TP63: variants seen among roughly 807,000 people sequenced by gnomAD.
The protein encoded by TP63 is tumor protein p63, also known as tumor protein 63.
A neutral mutation model predicts 82.8 loss-of-function variants in TP63; 17 were observed. The observed-to-expected ratio is 0.21, with a 90% confidence interval of 0.14 to 0.31. TP63 has a LOEUF of 0.31. Among genes scored for constraint, TP63 ranks in the 10% least tolerant of loss-of-function variants. TP63 has a pLI of 1.00. For missense variants in TP63, 648 were observed against 895.3 expected, an observed-to-expected ratio of 0.72 and a Z score of 3.52; for synonymous variants, 330 against 321.7, an observed-to-expected ratio of 1.03 and a Z score of -0.28.
At chr3:189,816,833 G>A (rs1728237690) in intron 4 of TP63, among the ~76,000 whole-genome samples, 3 of 152,056 alleles carry the variant, frequency 2.0e-5, no homozygotes, top group Admixed American at 6.6e-5. Context: ...TTTTAGTAAT[G>A]ATCATGACCT....
intron 4 of TP63, among the ~76,000 whole-genome samples, chr3:189,834,098 G>A (rs999568371): frequency 1.1e-4 from 16 of 152,236 alleles, no homozygotes; most frequent in African/African-American, 3.9e-4. Flanking sequence ...TAGGTATGAG[G>A]GAGACAAGAC....
intron 3 of TP63, among the ~76,000 whole-genome samples, chr3:189,806,161 T>A (rs2108632010): frequency 6.6e-6 from 1 of 151,580 alleles, no homozygotes; most frequent in Admixed American, 6.6e-5. Flanking sequence ...AAAACTTTTT[T>A]CTTCGTTTAT....
At chr3:189,806,122 T>C (rs1401088164) in intron 3 of TP63, among the ~76,000 whole-genome samples, 1 of 149,630 alleles carries the variant, frequency 6.7e-6, no homozygotes, top group Non-Finnish European at 1.5e-5. Flanking sequence ...TGAAGAGTGT[T>C]TGCTCACTGG....
At chr3:189,750,108 GGTGAGACTC>G (rs1721692674) in intron 3 of TP63, among the ~76,000 whole-genome samples, 1 of 148,870 alleles carries the variant, frequency 6.7e-6, no homozygotes, top group Non-Finnish European at 1.5e-5. Flanking sequence ...TGGGTGACAG[GGTGAGACTC>G]TGTCTCAGAA....
the TP63 span, among the ~76,000 whole-genome samples, chr3:189,601,598 A>G: frequency 6.4e-4 from 97 of 152,328 alleles, no homozygotes; most frequent in Non-Finnish European, 1.3e-3. Context: ...TCCTTAGAAC[A>G]TTGAAGTGAT....
intron 3 of TP63, among the ~76,000 whole-genome samples, chr3:189,767,372 G>C (rs1263437531): frequency 6.6e-6 from 1 of 151,970 alleles, no homozygotes; most frequent in East Asian, 1.9e-4. Context: ...GATAGTTTGT[G>C]GTTTGAATTC....
At chr3:189,639,769 C>T (rs967435430) in intron 1 of TP63, among the ~76,000 whole-genome samples, 1 of 152,010 alleles carries the variant, frequency 6.6e-6, no homozygotes, top group Non-Finnish European at 1.5e-5. Context: ...ATATGGCCGG[C>T]TAGAAAAGGT....
At chr3:189,810,583 C>T (rs1056180907) in intron 4 of TP63, among the ~76,000 whole-genome samples, 7 of 152,062 alleles carry the variant, frequency 4.6e-5, no homozygotes, top group Admixed American at 6.6e-5. Context: ...AAAAGCCGGG[C>T]GTGGTGGCTC....
intron 9 of TP63, among the ~76,000 whole-genome samples, chr3:189,869,904 G>A (rs113956884): frequency 6.6e-6 from 1 of 152,158 alleles, no homozygotes; most frequent in African/African-American, 2.4e-5. Context: ...GAGAGCTGGT[G>A]ATACAAAGGA....
chr3:189,747,778 C>G (rs541972293), intron 3 of TP63, among the ~76,000 whole-genome samples: 1 of 151,964 alleles, frequency 6.6e-6, no homozygotes, highest in South Asian at 2.1e-4. Context: ...TTGGAAAGGA[C>G]CAGTAAAACC....
chr3:189,605,229 A>G, the TP63 span, among the ~76,000 whole-genome samples: 1 of 152,240 alleles, frequency 6.6e-6, no homozygotes, highest in Non-Finnish European at 1.5e-5. Context: ...TCAGGCTTAT[A>G]ATTTCAGGCC....
chr3:189,888,366 G>A (rs1208999983), intron 11 of TP63, among the ~76,000 whole-genome samples: 1 of 152,150 alleles, frequency 6.6e-6, no homozygotes, highest in Non-Finnish European at 1.5e-5. Context: ...TGACATCTTA[G>A]AGTCCTCAAG....
At chr3:189,738,184 A>G (rs375775178) in intron 2 of TP63, among the ~76,000 whole-genome samples, 1 of 152,208 alleles carries the variant, frequency 6.6e-6, no homozygotes, top group East Asian at 1.9e-4. Flanking sequence ...TACTTTTATA[A>G]TGCAGGTACT....
At chr3:189,742,243 CAAAAAAAAAAAA>C (rs140413709) in intron 3 of TP63, among the ~76,000 whole-genome samples, 19 of 77,600 alleles carry the variant, frequency 2.4e-4, no homozygotes, top group Non-Finnish European at 3.3e-4. Flanking sequence ...AACTCCATCC[CAAAAAAAAAAAA>C]AAAAAAAAAA....
intron 3 of TP63, among the ~76,000 whole-genome samples, chr3:189,788,928 GC>G (rs1180992902): frequency 7.1e-6 from 1 of 140,400 alleles, no homozygotes; most frequent in East Asian, 2.3e-4. Context: ...AAATAGATAA[GC>G]GTTTTGTTAA....
chr3:189,878,400 T>C (rs1305809956), intron 10 of TP63, among the ~76,000 whole-genome samples: 1 of 144,170 alleles, frequency 6.9e-6, no homozygotes, highest in Non-Finnish European at 1.5e-5. Flanking sequence ...TTTTTTTTTT[T>C]TTTTTTGAGA....
At chr3:189,685,907 A>G (rs943929425) in intron 1 of TP63, among the ~76,000 whole-genome samples, 12 of 152,184 alleles carry the variant, frequency 7.9e-5, no homozygotes, top group Non-Finnish European at 1.8e-4. Context: ...AAATGAACAA[A>G]GAGAAGGGGG....
intron 1 of TP63, among the ~76,000 whole-genome samples, chr3:189,666,007 C>T (rs181513806): frequency 2.8e-4 from 42 of 152,032 alleles, no homozygotes; most frequent in African/African-American, 8.9e-4. Flanking sequence ...CTGATGACTA[C>T]GATGGATATC....
At chr3:189,613,857 C>A in the TP63 span, among the ~76,000 whole-genome samples, 1 of 152,156 alleles carries the variant, frequency 6.6e-6, no homozygotes, top group Non-Finnish European at 1.5e-5. Flanking sequence ...GGCCCTGTAA[C>A]CCCTTTGTTT....
Sources: allele counts gnomAD v4.1 joint callset (sites outside exome capture counted in the v4.1 genomes callset), GRCh38; gene constraint gnomAD v4.1.1; transcripts MANE v1.5; gene names NCBI Gene and HGNC (gene_info 2026-07-23, HGNC 2026-07-21).